Variants in MMP26 observed in about 807,000 individuals in gnomAD.
The protein encoded by MMP26 is matrix metallopeptidase 26, also known as matrix metalloproteinase-26.
MMP26 carries 33 observed loss-of-function variants against 31.0 expected under a neutral mutation model. That is an observed-to-expected ratio of 1.06 (90% CI 0.81 to 1.42). MMP26 has a LOEUF of 1.42. MMP26 is among the 40% of genes most tolerant of loss of function. The pLI is 0.00. For missense variants in MMP26, 347 were observed against 316.1 expected, an observed-to-expected ratio of 1.10 and a Z score of -0.74; for synonymous variants, 122 against 114.9, an observed-to-expected ratio of 1.06 and a Z score of -0.40.
intron 2 of MMP26, chr11:4,863,719 TG>T (rs2133517379): frequency 6.6e-6 from 1 of 152,278 alleles, no homozygotes; most frequent in African/African-American, 2.4e-5. Context: ...TGGTGTTGTC[TG>T]GTGTCATCAT....
chr11:4,959,034 C>T (rs190254475), intron 2 of MMP26, among the ~76,000 whole-genome samples: 2 of 151,910 alleles, frequency 1.3e-5, no homozygotes, highest in Admixed American at 1.3e-4. Context: ...GTCATGAGAT[C>T]GAGACCATCC....
intron 1 of MMP26, among the ~76,000 whole-genome samples, chr11:4,740,214 AAC>A (rs1435508839): frequency 1.3e-5 from 2 of 152,218 alleles, no homozygotes; most frequent in Non-Finnish European, 2.9e-5. Context: ...AGAACATTTT[AAC>A]AGTTATACAT....
intron 2 of MMP26, among the ~76,000 whole-genome samples, chr11:4,884,193 T>C (rs984348205): frequency 1.3e-5 from 2 of 152,016 alleles, no homozygotes; most frequent in Non-Finnish European, 2.9e-5. Flanking sequence ...TACATAAGAG[T>C]GTGTGGCGGG....
chr11:4,838,287 C>T (rs1849746663), intron 2 of MMP26, among the ~76,000 whole-genome samples: 2 of 122,522 alleles, frequency 1.6e-5, no homozygotes, highest in African/African-American at 6.3e-5. Flanking sequence ...CATTGTGCTC[C>T]AGCCAGGGCA....
At chr11:4,785,064 A>G (rs984824142) in intron 2 of MMP26, among the ~76,000 whole-genome samples, 1 of 152,128 alleles carries the variant, frequency 6.6e-6, no homozygotes, top group African/African-American at 2.4e-5. Context: ...TGCTTGTAAG[A>G]AATGCATGTG....
chr11:4,831,024 C>G (rs1849639100), intron 2 of MMP26, among the ~76,000 whole-genome samples: 1 of 152,146 alleles, frequency 6.6e-6, no homozygotes, highest in Non-Finnish European at 1.5e-5. Flanking sequence ...CTAAGCCTGC[C>G]TCATAGCTCC....
intron 2 of MMP26, among the ~76,000 whole-genome samples, chr11:4,781,669 T>G (rs1008386188): frequency 6.7e-6 from 1 of 150,040 alleles, no homozygotes; most frequent in Non-Finnish European, 1.5e-5. Context: ...ATTCTGATTA[T>G]ATAGTGTTGT....
Position 4,871,989 on chromosome 11 carries a change from A to G in MMP26, c.-145+104648A>G, listed in dbSNP as rs537881147. On this transcript the variant is annotated intron_variant, in intron 2 of 7. Coordinates refer to ENST00000380390, the MANE Select transcript of MMP26 (RefSeq NM_021801.5). The stretch of plus-strand genomic sequence containing the variant: ...GAACCAAACAGAACTTCAAAGCACA[A>G]TGATCACAGAACCTATATTTAAGCT... The G allele has an allele frequency of 8.5e-5, 13 of 152,256 alleles. No homozygotes were observed. The South Asian group carries it at 2.3e-3, about 27-fold the overall frequency. 9.4% of individuals were successfully genotyped at this position (152,256 alleles called of 1,614,324 possible). A position where few individuals can be genotyped will look rare whatever the true frequency, so the allele number is the denominator to read the frequency against.
At chr11:4,924,695 G>A (rs1302296882) in intron 2 of MMP26, among the ~76,000 whole-genome samples, 1 of 152,208 alleles carries the variant, frequency 6.6e-6, no homozygotes, top group African/African-American at 2.4e-5. Context: ...GGGCAGTTAA[G>A]CCAGGACTGG....
chr11:4,935,773 G>A (rs1275503884), intron 2 of MMP26, among the ~76,000 whole-genome samples: 3 of 151,184 alleles, frequency 2.0e-5, no homozygotes, highest in Non-Finnish European at 4.4e-5. Context: ...TTTATTGAGA[G>A]TTTTTAGCAT....
At chr11:4,918,553 G>A (rs754749208) in intron 2 of MMP26, among the ~76,000 whole-genome samples, 1 of 152,038 alleles carries the variant, frequency 6.6e-6, no homozygotes, top group Non-Finnish European at 1.5e-5. Context: ...TAGCCAGTTC[G>A]CCAGAGAGTT....
intron 2 of MMP26, among the ~76,000 whole-genome samples, chr11:4,830,942 G>A (rs1027227408): frequency 3.9e-5 from 6 of 152,164 alleles, no homozygotes; most frequent in Non-Finnish European, 1.5e-5. Flanking sequence ...AAGGTGGTGA[G>A]TACTTTAAAC....
chr11:4,942,796 C>T (rs1255554404), intron 2 of MMP26: 1 of 152,156 alleles, frequency 6.6e-6, no homozygotes, highest in Non-Finnish European at 1.5e-5. Context: ...CATAGACCCA[C>T]ACAAATATAT....
intron 2 of MMP26, among the ~76,000 whole-genome samples, chr11:4,942,554 T>C (rs937267555): frequency 6.6e-6 from 1 of 152,170 alleles, no homozygotes; most frequent in Non-Finnish European, 1.5e-5. Context: ...TTATCTTCTA[T>C]TCCTTGGTTT....
chr11:4,757,659 A>G (rs1327546365), intron 1 of MMP26, among the ~76,000 whole-genome samples: 5 of 152,044 alleles, frequency 3.3e-5, no homozygotes, highest in Non-Finnish European at 7.4e-5. Context: ...ATATCACCAA[A>G]ACATATATAA....
intron 2 of MMP26, among the ~76,000 whole-genome samples, chr11:4,811,115 A>G (rs1849343909): frequency 6.6e-6 from 1 of 152,192 alleles, no homozygotes; most frequent in Non-Finnish European, 1.5e-5. Flanking sequence ...TATACAGGAA[A>G]TATTCAAAAT....
chr11:4,889,168 T>C (rs1281001590), intron 2 of MMP26, among the ~76,000 whole-genome samples: 2 of 152,176 alleles, frequency 1.3e-5, no homozygotes, highest in Non-Finnish European at 2.9e-5. Context: ...CTGACTATAG[T>C]CATCCCTTGT....
chr11:4,896,891 T>G (rs1010319960), intron 2 of MMP26, among the ~76,000 whole-genome samples: 6 of 152,166 alleles, frequency 3.9e-5, no homozygotes, highest in Non-Finnish European at 7.4e-5. Context: ...TCCTACTACA[T>G]GCAAATACAT....
chr11:4,821,200 A>G, intron 2 of MMP26: 1 of 565,986 alleles, frequency 1.8e-6, no homozygotes, highest in Non-Finnish European at 3.1e-6. Flanking sequence ...TTGATGTGGC[A>G]CAGTTCAGGG....
Sources: gnomAD v4.1 joint callset for allele counts (sites outside exome capture counted in the v4.1 genomes callset) on GRCh38, gnomAD v4.1.1 for gene constraint, MANE v1.5 for transcripts, NCBI Gene and HGNC (gene_info 2026-07-23, HGNC 2026-07-21) for gene names.